Variants in IQUB observed in about 807,000 individuals in gnomAD.
IQUB encodes the protein IQ motif and ubiquitin-like domain-containing protein.
Under a neutral mutation model 86.4 loss-of-function variants are expected in IQUB, and 86 were observed. That is an observed-to-expected ratio of 1.00 (90% CI 0.84 to 1.19). IQUB has a LOEUF of 1.19. Among genes scored for constraint, IQUB ranks in the 50% most tolerant of loss-of-function variants. The pLI is 0.00. For synonymous variants in IQUB, 289 were observed against 304.5 expected, an observed-to-expected ratio of 0.95 and a Z score of 0.53; for missense variants, 946 against 916.9, an observed-to-expected ratio of 1.03 and a Z score of -0.41.
At chr7:123,470,430 C>T (rs919205573) in intron 8 of IQUB, among the ~76,000 whole-genome samples, 2 of 152,112 alleles carry the variant, frequency 1.3e-5, no homozygotes, top group Non-Finnish European at 2.9e-5. Context: ...ACAATTTACA[C>T]CATACTTGCA....
At chr7:123,520,387 A>T (rs1271082381) in intron 1 of IQUB, among the ~76,000 whole-genome samples, 2 of 152,180 alleles carry the variant, frequency 1.3e-5, no homozygotes, top group African/African-American at 2.4e-5. Context: ...GAGCTAGCAA[A>T]ATAATAAAGC....
chr7:123,484,389 A>G (rs1435865201), intron 7 of IQUB, among the ~76,000 whole-genome samples: 1 of 152,062 alleles, frequency 6.6e-6, no homozygotes, highest in Non-Finnish European at 1.5e-5. Flanking sequence ...AATGAAGAGA[A>G]AAATTGCTGG....
intron 1 of IQUB, among the ~76,000 whole-genome samples, chr7:123,527,630 G>A (rs1409032034): frequency 5.9e-5 from 9 of 152,282 alleles, no homozygotes; most frequent in South Asian, 2.1e-4. Context: ...GCTGCTCGGG[G>A]GTCAGGGGCC....
At chr7:123,514,189 A>G (rs748178106) in intron 1 of IQUB, among the ~76,000 whole-genome samples, 5 of 152,230 alleles carry the variant, frequency 3.3e-5, no homozygotes, top group Non-Finnish European at 7.3e-5. Context: ...GCTGACATTA[A>G]TACAAAGAAA....
chr7:123,519,367 C>G (rs1165349059), intron 1 of IQUB, among the ~76,000 whole-genome samples: 1 of 152,170 alleles, frequency 6.6e-6, no homozygotes, highest in East Asian at 1.9e-4. Context: ...CCCATGTTTA[C>G]TACAGCACTA....
intron 3 of IQUB, 61 bp from the exon 4 acceptor site, chr7:123,503,424 T>G: frequency 1.1e-6 from 1 of 890,042 alleles, no homozygotes; most frequent in South Asian, 1.8e-5. Context: ...TTCATTGATC[T>G]TATTTTTTGT....
intron 10 of IQUB, chr7:123,462,943 C>A: frequency 7.8e-6 from 3 of 384,246 alleles, no homozygotes; most frequent in Non-Finnish European, 1.6e-5. Flanking sequence ...TACCTACTCC[C>A]AAAAAGTGGT....
At chr7:123,499,938 G>C (rs1348449137) in intron 6 of IQUB, among the ~76,000 whole-genome samples, 1 of 152,150 alleles carries the variant, frequency 6.6e-6, no homozygotes, top group Non-Finnish European at 1.5e-5. Flanking sequence ...AAAGAAGCCA[G>C]CTAAATCCCA....
intron 10 of IQUB, among the ~76,000 whole-genome samples, chr7:123,463,019 C>T (rs543960332): frequency 1.3e-5 from 2 of 151,702 alleles, no homozygotes; most frequent in East Asian, 3.9e-4. Flanking sequence ...TGCAAATGAG[C>T]CATTCCTTTT....
chr7:123,463,487 T>C lies in IQUB; in HGVS notation c.1758+1346A>G, dbSNP rs538197801. Among the ~76,000 whole-genome samples the C allele has an allele frequency of 3.9e-5, 6 of 151,924 alleles. No homozygotes were observed. The East Asian group carries it at 1.2e-3, about 29-fold the overall frequency. ...CAAACCACTGACACATTCAAAAACATGGGTGAATCCATGCAATATGCTAAG... is the reference window on the plus strand; with the variant it reads ...CAAACCACTGACACATTCAAAAACACGGGTGAATCCATGCAATATGCTAAG... On this transcript the variant is annotated intron_variant, in intron 10 of 12. Transcript: ENST00000324698.
Position 123,479,892 on chromosome 7 carries a change from A to G in IQUB, c.1313T>C (p.Leu438Pro). The G allele has an allele frequency of 6.2e-7, 1 of 1,613,144 alleles. No individual in the cohort carries two copies. Among genetic ancestry groups the G allele is most frequent in the Non-Finnish European group, 8.5e-7 (1 of 1,179,434 alleles). Residue 438 changes from leucine (L) to proline (P), a missense_variant, in exon 8 of 13, where the codon CTG (leucine) becomes CCG (proline). Coordinates refer to ENST00000324698, the MANE Select transcript of IQUB (RefSeq NM_178827.5). ...AERKAALCEL[L>P]EKETQIIASI... ...AGCAATTATCTGAGTCTCTTTTTCC[A>G]GAAGTTCACACAGAGCAGCTTTCCT...
At chr7:123,508,266 G>A (rs1365730814) in intron 3 of IQUB, among the ~76,000 whole-genome samples, 1 of 152,210 alleles carries the variant, frequency 6.6e-6, no homozygotes, top group Non-Finnish European at 1.5e-5. Flanking sequence ...GGATCCTCCA[G>A]AGGGACAGCA....
intron 2 of IQUB, 21 bp downstream of exon 2, chr7:123,511,923 C>A: frequency 6.7e-7 from 1 of 1,499,948 alleles, no homozygotes; most frequent in Admixed American, 2.1e-5. Flanking sequence ...AATGAAATAG[C>A]CTATCTTCCT....
rs1003571197 is a variant in IQUB at position 123,456,088 on chromosome 7, G to A, written c.2193+1293C>T. Among the ~76,000 whole-genome samples the A allele has an allele frequency of 3.3e-5, 5 of 152,014 alleles. No individual in the cohort carries two copies. The East Asian group carries it at 7.7e-4, about 23-fold the overall frequency. On this transcript the variant is annotated intron_variant, in intron 12 of 12. Transcript: ENST00000324698. Reference sequence around the variant, plus strand: ...AGTTAATAGTTAAAAGATTGTATCAGCCCAAAACCATAAAAAAGGCAAATG... The same window carrying A: ...AGTTAATAGTTAAAAGATTGTATCAACCCAAAACCATAAAAAAGGCAAATG...
At chr7:123,462,490 C>CCAT (rs1427096219) in intron 10 of IQUB, among the ~76,000 whole-genome samples, 1 of 151,748 alleles carries the variant, frequency 6.6e-6, no homozygotes, top group Non-Finnish European at 1.5e-5. Context: ...CCTAAACACT[C>CCAT]CATCTTCCCA....
intron 11 of IQUB, among the ~76,000 whole-genome samples, chr7:123,458,710 G>A (rs1375568042): frequency 1.3e-5 from 2 of 151,938 alleles, no homozygotes; most frequent in Non-Finnish European, 2.9e-5. Context: ...GCATGTAAAT[G>A]TCAAATGTGC....
intron 11 of IQUB, chr7:123,459,549 G>T (rs895272535): frequency 9.9e-5 from 15 of 152,032 alleles, no homozygotes; most frequent in African/African-American, 3.4e-4. Context: ...CTGGTCATCA[G>T]ACTTGAACTG....
At chr7:123,497,137 C>T (rs1053064903) in intron 6 of IQUB, among the ~76,000 whole-genome samples, 3 of 152,068 alleles carry the variant, frequency 2.0e-5, no homozygotes, top group Non-Finnish European at 4.4e-5. Context: ...GATGTTTGTA[C>T]GATCCTTAAC....
chr7:123,492,252 G>C lies in IQUB; in HGVS notation c.1234+4444C>G, dbSNP rs1795506042. 2.6e-5 allele frequency among the ~76,000 whole-genome samples: 4 copies of C among 152,252 alleles called. No homozygotes were observed. The South Asian group carries it at 8.3e-4, about 32-fold the overall frequency. On this transcript the variant is annotated intron_variant, in intron 7 of 12. Coordinates refer to ENST00000324698, the MANE Select transcript of IQUB (RefSeq NM_178827.5). ...ACTACGAACTTAACAAAGATACAAA[G>C]GCAATGCAATGGAGAAATGACAGTG...
Sources: allele counts gnomAD v4.1 joint callset (sites outside exome capture counted in the v4.1 genomes callset), GRCh38; gene constraint gnomAD v4.1.1; transcripts MANE v1.5; gene names NCBI Gene and HGNC (gene_info 2026-07-23, HGNC 2026-07-21).